BCL2: variants seen among roughly 807,000 people sequenced by gnomAD.
The protein encoded by BCL2 is apoptosis regulator Bcl-2.
A neutral mutation model predicts 14.2 loss-of-function variants in BCL2; 1 was observed. The ratio of observed to expected loss-of-function variants is 0.07; its 90% CI spans 0.02 to 0.33. The LOEUF is 0.33. Ranked by LOEUF, BCL2 falls within the 10% of genes least tolerant of loss-of-function variation. The pLI, the probability that BCL2 is intolerant of heterozygous loss-of-function variation, is 0.99. For missense variants in BCL2, 247 were observed against 305.9 expected (o/e 0.81, Z 1.44); for synonymous variants, 151 against 137.2 (o/e 1.10, Z -0.70).
intron 2 of BCL2, among the ~76,000 whole-genome samples, chr18:63,247,865 T>C (rs992377799): frequency 2.0e-5 from 3 of 152,200 alleles, no homozygotes; most frequent in Non-Finnish European, 4.4e-5. Flanking sequence ...GTTATGTTTA[T>C]AGACATAGTG....
At chr18:63,289,315 A>G (rs1912571710) in intron 2 of BCL2, among the ~76,000 whole-genome samples, 1 of 152,220 alleles carries the variant, frequency 6.6e-6, no homozygotes, top group Non-Finnish European at 1.5e-5. Flanking sequence ...AAGATTTAGA[A>G]ATCAGCGGGG....
intron 2 of BCL2, among the ~76,000 whole-genome samples, chr18:63,271,067 C>A (rs1911990577): frequency 6.6e-6 from 1 of 152,164 alleles, no homozygotes; most frequent in South Asian, 2.1e-4. Context: ...AGTGATCCAC[C>A]CACCTCGGCC....
At chr18:63,304,309 T>C (rs1913054586) in intron 2 of BCL2, among the ~76,000 whole-genome samples, 1 of 152,186 alleles carries the variant, frequency 6.6e-6, no homozygotes, top group Admixed American at 6.5e-5. Context: ...AGTAAACAAA[T>C]ATTTATAAAT....
chr18:63,207,568 A>G (rs1909873315), intron 2 of BCL2: 1 of 151,974 alleles, frequency 6.6e-6, no homozygotes, highest in Non-Finnish European at 1.5e-5. Context: ...GCCTGGGAGC[A>G]CCAGAGTCTG....
intron 2 of BCL2, among the ~76,000 whole-genome samples, chr18:63,215,840 G>A (rs1910184315): frequency 2.0e-5 from 3 of 151,928 alleles, no homozygotes; most frequent in African/African-American, 2.4e-5. Flanking sequence ...AAGGTGAAAT[G>A]TTTTTAAAAA....
At chr18:63,281,359 A>C (rs1234766723) in intron 2 of BCL2, among the ~76,000 whole-genome samples, 2 of 152,156 alleles carry the variant, frequency 1.3e-5, no homozygotes, top group Admixed American at 6.5e-5. Context: ...AATTTAAAAA[A>C]ATTATTAAAA....
intron 2 of BCL2, among the ~76,000 whole-genome samples, chr18:63,265,567 G>A (rs548428851): frequency 6.6e-5 from 10 of 152,098 alleles, no homozygotes; most frequent in South Asian, 2.1e-4. Context: ...TAATTTAGGC[G>A]TGGGGAAGGT....
intron 2 of BCL2, among the ~76,000 whole-genome samples, chr18:63,131,284 T>C (rs1223611403): frequency 6.6e-6 from 1 of 152,224 alleles, no homozygotes; most frequent in Non-Finnish European, 1.5e-5. Flanking sequence ...AGGTCCTTGG[T>C]TAACTTTTAC....
intron 2 of BCL2, among the ~76,000 whole-genome samples, chr18:63,270,371 C>T (rs1911971516): frequency 6.6e-6 from 1 of 152,122 alleles, no homozygotes; most frequent in Admixed American, 6.5e-5. Flanking sequence ...AGTCATCATA[C>T]AGTAGTATAA....
intron 2 of BCL2, among the ~76,000 whole-genome samples, chr18:63,218,728 A>C (rs2144683170): frequency 0.028 from 49 of 1,748 alleles, no homozygotes; most frequent in South Asian, 0.045. Flanking sequence ...ACTCCTCCCC[A>C]TCCTCCACTC....
intron 2 of BCL2, among the ~76,000 whole-genome samples, chr18:63,293,512 G>C (rs1317446652): frequency 6.6e-6 from 1 of 152,206 alleles, no homozygotes; most frequent in Non-Finnish European, 1.5e-5. Flanking sequence ...AAGAAACAGT[G>C]TATGTGTTGT....
intron 2 of BCL2, among the ~76,000 whole-genome samples, chr18:63,193,590 G>A (rs1162125063): frequency 6.7e-6 from 1 of 149,582 alleles, no homozygotes. Flanking sequence ...GTATGTGTGT[G>A]TGTGTGTGTG....
intron 2 of BCL2, among the ~76,000 whole-genome samples, chr18:63,139,119 T>C (rs1914288030): frequency 6.6e-6 from 1 of 152,152 alleles, no homozygotes; most frequent in Non-Finnish European, 1.5e-5. Context: ...TAGAAGATGG[T>C]GTCTGGAGGG....
At position 63,318,479 on chromosome 18, in the gene BCL2, C is replaced by G. The variant is rs1450331336; in HGVS notation, c.188G>C (p.Arg63Pro). Residue 63 changes from arginine to proline, a missense_variant, in exon 2 of 3, where the codon CGG becomes CCG. Arg to Pro is a moderately radical substitution (Grantham distance 103). Coordinates refer to ENST00000333681, the MANE Select transcript of BCL2 (RefSeq NM_000633.3). The surrounding 1 kb of genome is among the most constrained non-coding windows in gnomAD (Gnocchi z 7.4). ...PGHTPHPAAS[R>P]DPVARTSPLQ... ...CGGCGAGGTCCTGGCGACCGGGTCC[C>G]GGGATGCGGCTGGATGGGGCGTGTG... The G allele has an allele frequency of 6.7e-6, 10 of 1,484,114 alleles. No individual in the cohort carries two copies. The highest frequency in any genetic ancestry group is 8.9e-6 in the Non-Finnish European group (10 of 1,129,108). The allele number at this position is 1,484,114 out of a possible 1,614,324, so 91.9% of individuals were successfully genotyped here.
chr18:63,195,530 G>A (rs2144656232), intron 2 of BCL2, among the ~76,000 whole-genome samples: 1 of 152,324 alleles, frequency 6.6e-6, no homozygotes, highest in East Asian at 1.9e-4. Context: ...GAAAGTGAAA[G>A]AAGGAGCTTT....
At position 63,318,465 on chromosome 18, in the gene BCL2, T is replaced by C. The variant is rs746401408; in HGVS notation, c.202A>G (p.Arg68Gly). 9 of 1,474,886 alleles carry C rather than the reference T, an allele frequency of 6.1e-6. No individual in the cohort carries two copies. The highest frequency in any genetic ancestry group is 5.3e-5 in the Admixed American group (2 of 37,786). 91.4% of individuals were successfully genotyped at this position (1,474,886 alleles called of 1,614,324 possible). A position where few individuals can be genotyped will look rare whatever the true frequency, so the allele number is the denominator to read the frequency against. Residue 68 changes from arginine (R) to glycine (G), a missense_variant, in exon 2 of 3, where the codon AGG (arginine) becomes GGG (glycine). Physicochemically the swap from Arg to Gly is moderately radical, Grantham distance 125. This residue lies in a region of BCL2 where 144 missense variants were observed against 135.3 expected (regional missense o/e 1.06). Transcript: ENST00000333681. The surrounding 1 kb of genome is among the most constrained non-coding windows in gnomAD (Gnocchi z 7.4). ...HPAASRDPVA[R>G]TSPLQTPAAP... Reference sequence around the variant, plus strand: ...GCCGGGGTCTGCAGCGGCGAGGTCCTGGCGACCGGGTCCCGGGATGCGGCT... The same window carrying C: ...GCCGGGGTCTGCAGCGGCGAGGTCCCGGCGACCGGGTCCCGGGATGCGGCT...
intron 2 of BCL2, among the ~76,000 whole-genome samples, chr18:63,303,630 C>T (rs1331342577): frequency 6.6e-6 from 1 of 152,210 alleles, no homozygotes. Context: ...AGTCAATTGA[C>T]TTTGCAGAAC....
At chr18:63,288,574 G>A (rs551720376) in intron 2 of BCL2, among the ~76,000 whole-genome samples, 30 of 152,316 alleles carry the variant, frequency 2.0e-4, no homozygotes, top group African/African-American at 6.0e-4. Flanking sequence ...GCTGCACATA[G>A]GGCTGAAATC....
At chr18:63,195,803 T>TA (rs1568230215) in intron 2 of BCL2, among the ~76,000 whole-genome samples, 1 of 152,152 alleles carries the variant, frequency 6.6e-6, no homozygotes, top group African/African-American at 2.4e-5. Context: ...AGGGCCTGCC[T>TA]AAAAAAGCCT....
Sources: gnomAD v4.1 joint callset for allele counts (sites outside exome capture counted in the v4.1 genomes callset) on GRCh38, gnomAD v4.1.1 for gene constraint, gnomAD v4.1.1 regional missense constraint, Gnocchi (gnomAD v3.1) non-coding constraint, MANE v1.5 for transcripts, NCBI Gene and HGNC (gene_info 2026-07-23, HGNC 2026-07-21) for gene names.